LDB2: variants seen among roughly 807,000 people sequenced by gnomAD.
The protein encoded by LDB2 is LIM domain binding 2, also known as LIM domain-binding protein 2.
Under a neutral mutation model 44.3 loss-of-function variants are expected in LDB2, and 12 were observed. The observed-to-expected ratio is 0.27, with a 90% CI of 0.17 to 0.44. The LOEUF is 0.44. Among genes scored for constraint, LDB2 ranks in the 20% least tolerant of loss-of-function variants. LDB2 has a pLI of 1.00. For missense variants in LDB2, 344 were observed against 473.5 expected (o/e 0.73, Z 2.54); for synonymous variants, 164 against 174.8 (o/e 0.94, Z 0.49).
chr4:16,519,405 C>T (rs1044913564), intron 5 of LDB2, among the ~76,000 whole-genome samples: 1 of 151,500 alleles, frequency 6.6e-6, no homozygotes, highest in Non-Finnish European at 1.5e-5. Flanking sequence ...GAGGTTCAGT[C>T]AAGTTTCTCT....
intron 2 of LDB2, among the ~76,000 whole-genome samples, chr4:16,654,278 CA>C (rs1304954194): frequency 2.0e-5 from 3 of 152,116 alleles, no homozygotes; most frequent in Admixed American, 6.6e-5. Flanking sequence ...TCCCTCCCTC[CA>C]AATCCCTGTT....
At position 16,694,368 on chromosome 4, in the gene LDB2, T is replaced by C. The variant is rs530088092; in HGVS notation, c.235+64790A>G. ...CTCCTCCCCCTTCTCTCCACACTTCTCTCTCCTCTGTTTTAAGAACATTGA... is the reference window on the plus strand; with the variant it reads ...CTCCTCCCCCTTCTCTCCACACTTCCCTCTCCTCTGTTTTAAGAACATTGA... On this transcript the variant is annotated intron_variant, in intron 2 of 7. Transcript: ENST00000304523. Among the ~76,000 whole-genome samples the C allele has an allele frequency of 1.9e-4, 29 of 152,330 alleles. No homozygotes were observed. In the South Asian group the frequency reaches 4.1e-3, roughly 22 times the overall value.
At chr4:16,717,695 A>G (rs1560982369) in intron 2 of LDB2, among the ~76,000 whole-genome samples, 1 of 152,132 alleles carries the variant, frequency 6.6e-6, no homozygotes, top group African/African-American at 2.4e-5. Context: ...CTTATACACA[A>G]ATCTGATAAA....
chr4:16,720,998 G>T (rs1758151292), intron 2 of LDB2, among the ~76,000 whole-genome samples: 1 of 152,128 alleles, frequency 6.6e-6, no homozygotes, highest in African/African-American at 2.4e-5. Flanking sequence ...TGACAGGGAA[G>T]TTAGAGAAAA....
intron 2 of LDB2, among the ~76,000 whole-genome samples, chr4:16,755,105 G>A (rs1346296359): frequency 6.6e-6 from 1 of 152,170 alleles, no homozygotes; most frequent in Non-Finnish European, 1.5e-5. Context: ...CTGGACACAG[G>A]CTAGGTCAGC....
chr4:16,560,552 C>G (rs1388730040), intron 5 of LDB2, among the ~76,000 whole-genome samples: 1 of 152,140 alleles, frequency 6.6e-6, no homozygotes, highest in Non-Finnish European at 1.5e-5. Context: ...CAATAACAGT[C>G]TCTGAAATTG....
chr4:16,577,259 G>C (rs1411344668), intron 5 of LDB2, among the ~76,000 whole-genome samples: 1 of 152,086 alleles, frequency 6.6e-6, no homozygotes, highest in Non-Finnish European at 1.5e-5. Context: ...GAAATAAAGG[G>C]CATCCAAACT....
chr4:16,634,615 A>C (rs928138876), intron 2 of LDB2, among the ~76,000 whole-genome samples: 3 of 152,206 alleles, frequency 2.0e-5, no homozygotes, highest in Non-Finnish European at 4.4e-5. Context: ...TGCCAGTTAG[A>C]ATGGCGATCA....
At chr4:16,715,482 A>G (rs1032133403) in intron 2 of LDB2, among the ~76,000 whole-genome samples, 4 of 152,228 alleles carry the variant, frequency 2.6e-5, no homozygotes, top group Admixed American at 2.0e-4. Flanking sequence ...ACTCTTCTCT[A>G]TATTAGACCT....
At chr4:16,799,408 G>A (rs1777343294) in intron 1 of LDB2, among the ~76,000 whole-genome samples, 1 of 152,184 alleles carries the variant, frequency 6.6e-6, no homozygotes, top group Admixed American at 6.5e-5. Context: ...GTCACTCACG[G>A]GATATAAGCC....
chr4:16,563,038 G>A (rs1001642305), intron 5 of LDB2, among the ~76,000 whole-genome samples: 53 of 152,016 alleles, frequency 3.5e-4, no homozygotes, highest in Non-Finnish European at 6.3e-4. Flanking sequence ...GACACAGGAA[G>A]GGGAACATCA....
chr4:16,822,164 G>A (rs906862964), intron 1 of LDB2, among the ~76,000 whole-genome samples: 5 of 151,778 alleles, frequency 3.3e-5, no homozygotes, highest in African/African-American at 1.2e-4. Flanking sequence ...CCTATGTACA[G>A]CTCAGCTGCT....
Position 16,796,690 on chromosome 4 carries a change from C to G in LDB2, c.133-37430G>C, listed in dbSNP as rs557829421. 2.0e-4 allele frequency among the ~76,000 whole-genome samples: 30 copies of G among 152,212 alleles called. 1 individual carries two copies. The highest frequency in any genetic ancestry group is 5.2e-4 in the Admixed American group (8 of 15,290). On this transcript the variant is annotated intron_variant, in intron 1 of 7. Transcript: ENST00000304523. ...AAGAGTAATCATGTGGTGGAGAAAC[C>G]TGACAAATACTAAGTCAGCCAGGTG...
At chr4:16,571,691 G>A (rs948064312) in intron 5 of LDB2, among the ~76,000 whole-genome samples, 1 of 152,088 alleles carries the variant, frequency 6.6e-6, no homozygotes, top group Non-Finnish European at 1.5e-5. Context: ...CCTCTCAAAT[G>A]TCTATTTAGG....
intron 1 of LDB2, among the ~76,000 whole-genome samples, chr4:16,873,172 G>T (rs560546904): frequency 9.2e-5 from 14 of 152,262 alleles, no homozygotes; most frequent in African/African-American, 3.1e-4. Flanking sequence ...AGAAGACCTG[G>T]AGCCTTGGGA....
At chr4:16,657,285 T>C (rs1417538563) in intron 2 of LDB2, among the ~76,000 whole-genome samples, 1 of 152,234 alleles carries the variant, frequency 6.6e-6, no homozygotes, top group African/African-American at 2.4e-5. Context: ...GATAGTGCCA[T>C]GATGCCAATC....
intron 5 of LDB2, among the ~76,000 whole-genome samples, chr4:16,537,244 G>A (rs1560400567): frequency 6.6e-6 from 1 of 152,134 alleles, no homozygotes; most frequent in African/African-American, 2.4e-5. Flanking sequence ...AGTTTGACAG[G>A]GAGAAGGAAA....
At chr4:16,565,300 A>C (rs1744092549) in intron 5 of LDB2, among the ~76,000 whole-genome samples, 2 of 152,206 alleles carry the variant, frequency 1.3e-5, no homozygotes, top group Non-Finnish European at 2.9e-5. Context: ...TAAAGAAATT[A>C]AAATACTGCC....
At chr4:16,742,164 C>T (rs536986570) in intron 2 of LDB2, among the ~76,000 whole-genome samples, 10 of 146,996 alleles carry the variant, frequency 6.8e-5, no homozygotes, top group Admixed American at 1.4e-4. Flanking sequence ...CTCCGCCTTT[C>T]GGGTTCAAGC....
Sources: allele counts gnomAD v4.1 joint callset (sites outside exome capture counted in the v4.1 genomes callset), GRCh38; gene constraint gnomAD v4.1.1; transcripts MANE v1.5; gene names NCBI Gene and HGNC (gene_info 2026-07-23, HGNC 2026-07-21).